The following FLRT1 variants were observed in gnomAD, a reference collection of about 807,000 sequenced individuals.
FLRT1 encodes the protein leucine-rich repeat transmembrane protein FLRT1.
A neutral mutation model predicts 30.9 loss-of-function variants in FLRT1; 14 were observed. The ratio of observed to expected loss-of-function variants is 0.45; its 90% CI spans 0.30 to 0.71. The LOEUF is 0.71. Among genes scored for constraint, FLRT1 ranks in the 30% least tolerant of loss-of-function variants. The probability of loss-of-function intolerance (pLI) is 0.08; values close to 1 mark genes in which losing one functional copy is unlikely to be tolerated. For synonymous variants in FLRT1, 368 were observed against 430.4 expected (o/e 0.85, Z 1.80); for missense variants, 737 against 949.2 (o/e 0.78, Z 2.94).
intron 1 of FLRT1, among the ~76,000 whole-genome samples, chr11:64,053,157 C>T (rs1368308192): frequency 2.0e-5 from 3 of 152,134 alleles, no homozygotes; most frequent in Admixed American, 6.5e-5. Flanking sequence ...GGGCCCCAGA[C>T]GGAGAGCTGG....
Position 64,036,053 on chromosome 11 carries a change from G to A in FLRT1, c.-1144G>A, listed in dbSNP as rs1316415894. ...GGGGCTCCTCTCCCGGGCCCCCCTG[G>A]GCGCCCTCCGGCTCTGGTTCCCGCC... On this transcript the variant is annotated 5_prime_UTR_variant, in exon 1 of 3. Coordinates refer to ENST00000682287, the MANE Select transcript of FLRT1 (RefSeq NM_013280.5). The surrounding 1 kb of genome is among the most constrained non-coding windows in gnomAD (Gnocchi z 5.6). 6.6e-6 allele frequency: 1 copy of A among 151,400 alleles called. No homozygotes were observed. Among genetic ancestry groups the A allele is most frequent in the African/African-American group, 2.4e-5 (1 of 41,246 alleles). 9.4% of individuals were successfully genotyped at this position (151,400 alleles called of 1,614,324 possible).
intron 1 of FLRT1, among the ~76,000 whole-genome samples, chr11:64,075,916 C>T (rs182978326): frequency 4.7e-4 from 72 of 152,344 alleles, no homozygotes; most frequent in African/African-American, 1.5e-3. Flanking sequence ...TCAAGTGATC[C>T]ACCCGCCTCG....
intron 1 of FLRT1, among the ~76,000 whole-genome samples, chr11:64,039,244 G>A (rs769526748): frequency 6.6e-6 from 1 of 152,132 alleles, no homozygotes; most frequent in Non-Finnish European, 1.5e-5. Context: ...AAGAAGGGGC[G>A]TGGGTGTGGC....
intron 1 of FLRT1, among the ~76,000 whole-genome samples, chr11:64,068,015 G>A (rs775458153): frequency 1.3e-5 from 2 of 152,278 alleles, no homozygotes; most frequent in East Asian, 1.9e-4. Context: ...ACGGAAAACC[G>A]CCGGTCTTGG....
At chr11:64,059,667 G>A (rs1162803965) in intron 1 of FLRT1, among the ~76,000 whole-genome samples, 1 of 152,198 alleles carries the variant, frequency 6.6e-6, no homozygotes, top group Non-Finnish European at 1.5e-5. Flanking sequence ...CCCTGCAGTG[G>A]TGCAGATGGG....
intron 1 of FLRT1, among the ~76,000 whole-genome samples, chr11:64,074,729 C>T (rs1422854491): frequency 6.6e-6 from 1 of 152,150 alleles, no homozygotes; most frequent in African/African-American, 2.4e-5. Flanking sequence ...TGAGCTGCTG[C>T]CCCAGAGGCC....
At chr11:64,100,966 G>C (rs1013733978) in intron 1 of FLRT1, among the ~76,000 whole-genome samples, 2 of 152,166 alleles carry the variant, frequency 1.3e-5, no homozygotes, top group African/African-American at 2.4e-5. Flanking sequence ...AGCAGATGGA[G>C]AGTTTGGTGG....
chr11:64,061,643 G>A (rs1943905789), intron 1 of FLRT1, among the ~76,000 whole-genome samples: 1 of 152,110 alleles, frequency 6.6e-6, no homozygotes, highest in Non-Finnish European at 1.5e-5. Context: ...AGGCAGCTAG[G>A]GCACTTTTGA....
intron 2 of FLRT1, among the ~76,000 whole-genome samples, chr11:64,115,005 A>G (rs1944951132): frequency 6.6e-6 from 1 of 152,174 alleles, no homozygotes; most frequent in Admixed American, 6.5e-5. Flanking sequence ...TGGGGCATGA[A>G]AATAAGGTCC....
At chr11:64,089,362 G>A (rs998607284) in intron 1 of FLRT1, among the ~76,000 whole-genome samples, 5 of 152,172 alleles carry the variant, frequency 3.3e-5, no homozygotes, top group East Asian at 1.9e-4. Context: ...AATAGGGCCC[G>A]CAAGTCCCCT....
chr11:64,076,984 G>A (rs1043251045), intron 1 of FLRT1, among the ~76,000 whole-genome samples: 1 of 152,146 alleles, frequency 6.6e-6, no homozygotes, highest in Non-Finnish European at 1.5e-5. Context: ...ATAGGGCTGA[G>A]TGACGGATGG....
chr11:64,085,678 G>A (rs979155695), intron 1 of FLRT1, among the ~76,000 whole-genome samples: 1 of 152,130 alleles, frequency 6.6e-6, no homozygotes, highest in Non-Finnish European at 1.5e-5. Context: ...GAAGTGGGAC[G>A]GTCACCCACA....
At chr11:64,102,911 A>T (rs672104) in intron 1 of FLRT1, among the ~76,000 whole-genome samples, 70,532 of 150,440 alleles carry the variant, frequency 0.47, 17,171 homozygotes, top group African/African-American at 0.61. Context: ...TACTAAAATT[A>T]AAAAAAAAAA....
At chr11:64,104,537 A>G (rs1017680719) in intron 2 of FLRT1, among the ~76,000 whole-genome samples, 10 of 152,114 alleles carry the variant, frequency 6.6e-5, no homozygotes, top group Non-Finnish European at 1.3e-4. Flanking sequence ...TAAAGGTGGT[A>G]GCAGTGAGGC....
chr11:64,107,697 T>C (rs1944788084), intron 2 of FLRT1, among the ~76,000 whole-genome samples: 1 of 152,262 alleles, frequency 6.6e-6, no homozygotes, highest in Non-Finnish European at 1.5e-5. Context: ...GGAGCAAAGC[T>C]GTTCAGGGTG....
At chr11:64,061,070 C>T (rs1943893895) in intron 1 of FLRT1, among the ~76,000 whole-genome samples, 1 of 152,164 alleles carries the variant, frequency 6.6e-6, no homozygotes, top group Non-Finnish European at 1.5e-5. Flanking sequence ...TGGCGTCCCC[C>T]CCACTCCCAA....
At chr11:64,086,710 A>C (rs1348904260) in intron 1 of FLRT1, among the ~76,000 whole-genome samples, 2 of 152,190 alleles carry the variant, frequency 1.3e-5, no homozygotes, top group Non-Finnish European at 2.9e-5. Context: ...GGAGAAGGGC[A>C]TGAAGAAGGA....
intron 1 of FLRT1, among the ~76,000 whole-genome samples, chr11:64,083,529 C>G (rs940887611): frequency 2.6e-5 from 4 of 152,244 alleles, no homozygotes; most frequent in Non-Finnish European, 5.9e-5. Context: ...CATCCCGTCT[C>G]CCTCCCTCCT....
In FLRT1 at chr11:64,116,719, C is replaced by T; in HGVS notation, c.452C>T (p.Pro151Leu). Reference protein sequence around the residue: ...TIARDSLARIPLLEKLHLDDN... With the variant: ...TIARDSLARILLLEKLHLDDN... ...GCCAGGGACTCGCTGGCCCGCATCC[C>T]GCTGCTGGAGAAGCTGCACCTGGAT... The change falls in exon 3 of 3, where the codon CCG becomes CTG. Residue 151 changes from proline (P) to leucine (L), a missense_variant. Pro to Leu is a moderately conservative substitution (Grantham distance 98, BLOSUM62 -3). Coordinates refer to ENST00000682287, the MANE Select transcript of FLRT1 (RefSeq NM_013280.5). 6.2e-7 allele frequency: 1 copy of T among 1,613,746 alleles called. No homozygotes were observed. Among genetic ancestry groups the T allele is most frequent in the Non-Finnish European group, 8.5e-7 (1 of 1,180,026 alleles).
Sources: allele counts gnomAD v4.1 joint callset (sites outside exome capture counted in the v4.1 genomes callset), GRCh38; gene constraint gnomAD v4.1.1; non-coding constraint Gnocchi (gnomAD v3.1); transcripts MANE v1.5; gene names NCBI Gene and HGNC (gene_info 2026-07-23, HGNC 2026-07-21).